The following RSU1 variants were observed in gnomAD, a reference collection of about 807,000 sequenced individuals.
RSU1 encodes Ras suppressor protein 1.
In RSU1, 26 loss-of-function variants were observed where a neutral mutation model predicts 31.1. The ratio of observed to expected loss-of-function variants is 0.84; its 90% confidence interval spans 0.61 to 1.16. The LOEUF (loss-of-function observed/expected upper bound fraction) is 1.16. RSU1 is among the 50% of genes most tolerant of loss of function. RSU1 has a pLI of 0.00. For missense variants in RSU1, 320 were observed against 339.1 expected, an observed-to-expected ratio of 0.94 and a Z score of 0.44; for synonymous variants, 164 against 136.3, an observed-to-expected ratio of 1.20 and a Z score of -1.41.
At chr10:16,642,471 T>C (rs765733664) in intron 8 of RSU1, among the ~76,000 whole-genome samples, 6 of 152,170 alleles carry the variant, frequency 3.9e-5, no homozygotes, top group Non-Finnish European at 7.3e-5. Context: ...CAGTGATTTT[T>C]CATAGACTGT....
intron 7 of RSU1, among the ~76,000 whole-genome samples, chr10:16,749,583 G>T (rs1350119770): frequency 6.6e-6 from 1 of 152,060 alleles, no homozygotes; most frequent in Admixed American, 6.6e-5. Flanking sequence ...AGCCAGCCCG[G>T]AGCAGCATCC....
intron 2 of RSU1, among the ~76,000 whole-genome samples, chr10:16,787,576 G>C (rs1276631965): frequency 3.3e-5 from 5 of 152,174 alleles, no homozygotes; most frequent in African/African-American, 1.2e-4. Flanking sequence ...CAAGGGCGGG[G>C]CCAGATGGAG....
intron 7 of RSU1, among the ~76,000 whole-genome samples, chr10:16,743,416 T>C (rs1400860016): frequency 6.6e-6 from 1 of 152,218 alleles, no homozygotes; most frequent in Non-Finnish European, 1.5e-5. Flanking sequence ...CAGAGAGCTC[T>C]CCTTGCCTAC....
intron 2 of RSU1, among the ~76,000 whole-genome samples, chr10:16,784,746 G>T (rs186643931): frequency 2.0e-5 from 3 of 152,100 alleles, no homozygotes; most frequent in Non-Finnish European, 4.4e-5. Flanking sequence ...AAAACCATTC[G>T]ATCTCGTGAG....
intron 8 of RSU1, among the ~76,000 whole-genome samples, chr10:16,638,725 A>G (rs781584220): frequency 2.0e-5 from 3 of 152,246 alleles, no homozygotes; most frequent in Non-Finnish European, 4.4e-5. Context: ...TCCATATAAC[A>G]GCTTCTGAAA....
At chr10:16,695,540 T>G (rs995073989) in intron 7 of RSU1, among the ~76,000 whole-genome samples, 9 of 152,256 alleles carry the variant, frequency 5.9e-5, no homozygotes, top group African/African-American at 2.2e-4. Flanking sequence ...CTGGGCCCAA[T>G]CTGATCAACA....
intron 8 of RSU1, among the ~76,000 whole-genome samples, chr10:16,604,472 C>T (rs1412545043): frequency 7.1e-6 from 1 of 141,466 alleles, no homozygotes; most frequent in Non-Finnish European, 1.6e-5. Context: ...AACACAGCAC[C>T]GCCCACCCGG....
At chr10:16,625,233 T>C (rs17138882) in intron 8 of RSU1, among the ~76,000 whole-genome samples, 19,566 of 152,120 alleles carry the variant, frequency 0.13, 1,317 homozygotes, top group Non-Finnish European at 0.16. Flanking sequence ...TGAGCCAGAC[T>C]GGACTTGGGA....
At chr10:16,713,201 T>C (rs1445098597) in intron 7 of RSU1, among the ~76,000 whole-genome samples, 2 of 152,196 alleles carry the variant, frequency 1.3e-5, no homozygotes, top group Admixed American at 6.5e-5. Context: ...TGAATCTAAC[T>C]GGGGACCTCT....
chr10:16,594,943 C>T (rs545423296), intron 8 of RSU1, among the ~76,000 whole-genome samples: 6 of 151,688 alleles, frequency 4.0e-5, no homozygotes, highest in African/African-American at 1.5e-4. Flanking sequence ...CACCACCATG[C>T]CCAGCTAATT....
intron 3 of RSU1, among the ~76,000 whole-genome samples, chr10:16,770,619 C>T (rs1424738806): frequency 6.6e-6 from 1 of 152,228 alleles, no homozygotes; most frequent in Non-Finnish European, 1.5e-5. Flanking sequence ...GCATGAAAGC[C>T]AGGGGACCCA....
At chr10:16,686,139 A>G (rs1022066486) in intron 8 of RSU1, among the ~76,000 whole-genome samples, 2 of 152,208 alleles carry the variant, frequency 1.3e-5, no homozygotes, top group African/African-American at 4.8e-5. Context: ...AAAAAACCCC[A>G]CAAAACCTCC....
At chr10:16,789,598 C>T (rs901073598) in intron 2 of RSU1, among the ~76,000 whole-genome samples, 2 of 152,108 alleles carry the variant, frequency 1.3e-5, no homozygotes, top group Non-Finnish European at 2.9e-5. Flanking sequence ...AAAGGTCTAC[C>T]GAAATAGAAT....
chr10:16,599,184 T>C (rs757429068), intron 8 of RSU1, among the ~76,000 whole-genome samples: 1 of 152,232 alleles, frequency 6.6e-6, no homozygotes, highest in African/African-American at 2.4e-5. Context: ...AGACAACCTA[T>C]TCCTTGCAGT....
intron 7 of RSU1, among the ~76,000 whole-genome samples, chr10:16,723,793 G>C (rs887830885): frequency 2.0e-5 from 3 of 152,004 alleles, no homozygotes; most frequent in Non-Finnish European, 4.4e-5. Flanking sequence ...GGGGGAAGAA[G>C]GTGACTGAGA....
At chr10:16,636,745 C>T (rs903736283) in intron 8 of RSU1, among the ~76,000 whole-genome samples, 8 of 152,192 alleles carry the variant, frequency 5.3e-5, no homozygotes, top group African/African-American at 1.7e-4. Context: ...GGTGGGTGCA[C>T]TTGCCAGTCC....
At chr10:16,610,101 T>C (rs1278073257) in intron 8 of RSU1, among the ~76,000 whole-genome samples, 3 of 152,230 alleles carry the variant, frequency 2.0e-5, no homozygotes, top group Non-Finnish European at 4.4e-5. Flanking sequence ...ATCTATGTTA[T>C]CTGTAATTTG....
intron 8 of RSU1, among the ~76,000 whole-genome samples, chr10:16,602,639 T>G (rs1833731915): frequency 6.6e-6 from 1 of 152,224 alleles, no homozygotes; most frequent in African/African-American, 2.4e-5. Context: ...GCCAGGTATA[T>G]GAGAGGTGCA....
chr10:16,624,830 T>C (rs1834128468), intron 8 of RSU1, among the ~76,000 whole-genome samples: 1 of 152,158 alleles, frequency 6.6e-6, no homozygotes, highest in African/African-American at 2.4e-5. Flanking sequence ...CATGGGCTGA[T>C]TGATTAAAAA....
Sources: allele counts gnomAD v4.1 joint callset (sites outside exome capture counted in the v4.1 genomes callset), GRCh38; gene constraint gnomAD v4.1.1; transcripts MANE v1.5; gene names NCBI Gene and HGNC (gene_info 2026-07-23, HGNC 2026-07-21).